KIF21A: variants seen among roughly 807,000 people sequenced by gnomAD.
KIF21A encodes the protein kinesin family member 21A.
In KIF21A, 114 loss-of-function variants were observed where a neutral mutation model predicts 202.9. That is an observed-to-expected ratio of 0.56 (90% CI 0.48 to 0.66). KIF21A has a LOEUF of 0.66. Ranked by LOEUF, KIF21A falls within the 30% of genes least tolerant of loss-of-function variation. KIF21A has a pLI of 0.00. For missense variants in KIF21A, 1,677 were observed against 1,994.9 expected, an observed-to-expected ratio of 0.84 and a Z score of 3.04; for synonymous variants, 667 against 670.8, an observed-to-expected ratio of 0.99 and a Z score of 0.09.
At chr12:39,416,661 A>ATATATATGTACATATATATGTG in intron 1 of KIF21A, among the ~76,000 whole-genome samples, 1 of 103,560 alleles carries the variant, frequency 9.7e-6, no homozygotes, top group East Asian at 2.2e-4. Flanking sequence ...ATATATGTGT[A>ATATATATGTACATATATATGTG]TATATATATG....
chr12:39,332,421 C>T lies in KIF21A; in HGVS notation c.2857-13G>A. 2 of 1,612,922 alleles carry T rather than the reference C, an allele frequency of 1.2e-6. No homozygotes were observed. Among genetic ancestry groups the T allele is most frequent in the South Asian group, 1.1e-5 (1 of 91,050 alleles). On this transcript the variant is annotated splice_polypyrimidine_tract_variant and intron_variant, in intron 20 of 37. Transcript: ENST00000361418. ...GTTCCTCCCGTTGCTATTGAGAAAG[C>T]AGGTTGGATTTTAAGAAATTATGTT...
At chr12:39,419,039 G>A (rs976814551) in intron 1 of KIF21A, among the ~76,000 whole-genome samples, 3 of 152,204 alleles carry the variant, frequency 2.0e-5, no homozygotes, top group African/African-American at 4.8e-5. Context: ...TTGGTTCAAT[G>A]GCTGGATTCA....
intron 36 of KIF21A, among the ~76,000 whole-genome samples, chr12:39,302,136 T>C (rs1943018767): frequency 6.6e-6 from 1 of 152,144 alleles, no homozygotes; most frequent in Non-Finnish European, 1.5e-5. Flanking sequence ...CCAGAGATAA[T>C]CTATATATTT....
chr12:39,310,511 C>T (rs138925230), intron 32 of KIF21A, among the ~76,000 whole-genome samples: 1 of 152,006 alleles, frequency 6.6e-6, no homozygotes, highest in Admixed American at 6.6e-5. Flanking sequence ...CCTGTACATG[C>T]TTGCTTTTCA....
At chr12:39,375,687 C>T (rs1950228144) in intron 1 of KIF21A, among the ~76,000 whole-genome samples, 1 of 152,000 alleles carries the variant, frequency 6.6e-6, no homozygotes, top group Non-Finnish European at 1.5e-5. Context: ...AATAAAAGTC[C>T]TTAGTCTCCA....
chr12:39,333,997 TTCGAGA>T (rs1238168159), intron 17 of KIF21A, among the ~76,000 whole-genome samples: 1 of 150,346 alleles, frequency 6.7e-6, no homozygotes, highest in Non-Finnish European at 1.5e-5. Flanking sequence ...AGGTCAGGAG[TTCGAGA>T]CCAGCCTGGC....
chr12:39,336,190 CT>C (rs1946951653), intron 17 of KIF21A, among the ~76,000 whole-genome samples: 1 of 151,960 alleles, frequency 6.6e-6, no homozygotes, highest in African/African-American at 2.4e-5. Context: ...AAAGTGCTGG[CT>C]GGGATTACAA....
chr12:39,376,616 C>T (rs1323263048), intron 1 of KIF21A, among the ~76,000 whole-genome samples: 1 of 152,082 alleles, frequency 6.6e-6, no homozygotes, highest in Non-Finnish European at 1.5e-5. Flanking sequence ...ATAAATAAGT[C>T]TATGCTATTA....
intron 27 of KIF21A, among the ~76,000 whole-genome samples, chr12:39,320,267 A>G (rs1409332253): frequency 6.6e-6 from 1 of 152,208 alleles, no homozygotes. Context: ...GAATATAAAT[A>G]TCAGTGATAT....
chr12:39,319,343 G>A (rs1944947861), intron 28 of KIF21A, among the ~76,000 whole-genome samples: 1 of 152,142 alleles, frequency 6.6e-6, no homozygotes, highest in African/African-American at 2.4e-5. Flanking sequence ...GCCCAGTTAA[G>A]TGGATAATCA....
intron 1 of KIF21A, among the ~76,000 whole-genome samples, chr12:39,414,442 A>C (rs1337633531): frequency 6.6e-6 from 1 of 152,236 alleles, no homozygotes; most frequent in Non-Finnish European, 1.5e-5. Context: ...ATCTTTAAGA[A>C]AGAATTTAAA....
At position 39,436,448 on chromosome 12, in the gene KIF21A, A is replaced by ATATATATATATATTTTTTTT. The variant is rs1387332677; in HGVS notation, c.44+6478_44+6479insAAAAAAAATATATATATATA. On this transcript the variant is annotated intron_variant, in intron 1 of 37. Transcript: ENST00000361418. ...TATATATATATATATATATATATAT[A>ATATATATATATATTTTTTTT]TTTTTTTTTTTTTTAGACAGGGTTT... is the stretch of plus-strand genomic sequence containing the variant. Among the ~76,000 whole-genome samples the ATATATATATATATTTTTTTT allele has an allele frequency of 3.1e-5, 3 of 95,764 alleles. No homozygotes were observed. The East Asian group carries it at 9.6e-4, about 31-fold the overall frequency. 62.8% of individuals were successfully genotyped at this position (95,764 alleles called of 152,430 possible).
chr12:39,394,317 C>T (rs1417500686), intron 1 of KIF21A, among the ~76,000 whole-genome samples: 2 of 152,170 alleles, frequency 1.3e-5, no homozygotes, highest in African/African-American at 4.8e-5. Context: ...TTTCATTAAC[C>T]AAATCTTTAA....
chr12:39,335,095 C>T (rs1288477096), intron 17 of KIF21A, among the ~76,000 whole-genome samples: 1 of 152,138 alleles, frequency 6.6e-6, no homozygotes, highest in African/African-American at 2.4e-5. Context: ...CATGTTATAA[C>T]ATGGCTGAAC....
chr12:39,328,953 T>G (rs779034791), intron 24 of KIF21A, among the ~76,000 whole-genome samples: 2 of 152,208 alleles, frequency 1.3e-5, no homozygotes, highest in Non-Finnish European at 2.9e-5. Flanking sequence ...TTCACTGCAA[T>G]ATATCATAAT....
intron 1 of KIF21A, among the ~76,000 whole-genome samples, chr12:39,398,090 A>T (rs530485636): frequency 6.6e-6 from 1 of 152,234 alleles, no homozygotes; most frequent in East Asian, 1.9e-4. Flanking sequence ...TCAAACTCAA[A>T]GTAATTGACA....
chr12:39,351,966 T>C lies in KIF21A; in HGVS notation c.1484A>G (p.Glu495Gly). ...AAGGTTCTCATTCACTGCTTCACTT[T>C]CTAATAATTTTGCCCTAGCAAATAA... ...EIEDLRAKLL[E>G]SEAVNENLRK... The change falls in exon 11 of 38, where the codon GAA becomes GGA. Residue 495 changes from glutamate (E) to glycine (G), a missense_variant. Coordinates refer to ENST00000361418, the MANE Select transcript of KIF21A (RefSeq NM_001173464.2). The C allele has an allele frequency of 1.2e-6, 2 of 1,612,824 alleles. No individual in the cohort carries two copies. Among genetic ancestry groups the C allele is most frequent in the Admixed American group, 1.7e-5 (1 of 59,948 alleles).
At chr12:39,299,080 G>A (rs1032796670) in intron 37 of KIF21A, among the ~76,000 whole-genome samples, 1 of 152,030 alleles carries the variant, frequency 6.6e-6, no homozygotes, top group Non-Finnish European at 1.5e-5. Flanking sequence ...ATATGTAGTA[G>A]ACATATTTGC....
At chr12:39,407,902 T>A (rs1952733899) in intron 1 of KIF21A, among the ~76,000 whole-genome samples, 1 of 148,684 alleles carries the variant, frequency 6.7e-6, no homozygotes, top group Non-Finnish European at 1.5e-5. Flanking sequence ...ATTTAGCATA[T>A]AAATATATGC....
Sources: gnomAD v4.1 joint callset for allele counts (sites outside exome capture counted in the v4.1 genomes callset) on GRCh38, gnomAD v4.1.1 for gene constraint, MANE v1.5 for transcripts, NCBI Gene and HGNC (gene_info 2026-07-23, HGNC 2026-07-21) for gene names.